HSPBAP1: variants seen among roughly 807,000 people sequenced by gnomAD.
The protein encoded by HSPBAP1 is HSPB1 associated protein 1.
In HSPBAP1, 27 loss-of-function variants were observed where a neutral mutation model predicts 45.2. That is an observed-to-expected ratio of 0.60 (90% CI 0.44 to 0.82). The LOEUF (loss-of-function observed/expected upper bound fraction) is 0.82, where lower values mean the gene tolerates loss of function less well. Among genes scored for constraint, HSPBAP1 ranks in the 40% least tolerant of loss-of-function variants. The pLI is 0.00. For synonymous variants in HSPBAP1, 204 were observed against 202.7 expected (o/e 1.01, Z -0.06); for missense variants, 510 against 590.9 (o/e 0.86, Z 1.42).
At chr3:122,780,653 C>A (rs1316758642) in intron 1 of HSPBAP1, among the ~76,000 whole-genome samples, 2 of 149,514 alleles carry the variant, frequency 1.3e-5, no homozygotes, top group African/African-American at 4.9e-5. Flanking sequence ...AGGCGGGGGG[C>A]TGACCCCCCC....
chr3:122,747,464 C>T (rs1469424888), intron 6 of HSPBAP1, among the ~76,000 whole-genome samples: 1 of 151,842 alleles, frequency 6.6e-6, no homozygotes, highest in Non-Finnish European at 1.5e-5. Context: ...GCCCGGCCAG[C>T]CGCCCTGTCT....
rs972184329 is a variant in HSPBAP1, at chr3:122,753,769, T to A, written c.742-1095A>T. On this transcript the variant is annotated intron_variant, in intron 5 of 7. Transcript: ENST00000306103. Reference sequence around the variant, plus strand: ...GGCCACTTGATAGTCATTAGTAGGTTATGCATGTCCTATCAGAGTAAAGTT... The same window carrying A: ...GGCCACTTGATAGTCATTAGTAGGTAATGCATGTCCTATCAGAGTAAAGTT... 14 of 985,166 alleles carry A rather than the reference T, an allele frequency of 1.4e-5. No homozygotes were observed. The African/African-American group carries it at 2.4e-4, about 17-fold the overall frequency. 61.0% of individuals were successfully genotyped at this position (985,166 alleles called of 1,614,324 possible).
intron 1 of HSPBAP1, among the ~76,000 whole-genome samples, chr3:122,783,082 A>C (rs1935544743): frequency 6.6e-6 from 1 of 152,146 alleles, no homozygotes; most frequent in Non-Finnish European, 1.5e-5. Context: ...AAGGCAGAAG[A>C]CTCAGGGAGT....
intron 6 of HSPBAP1, among the ~76,000 whole-genome samples, chr3:122,747,279 G>C (rs1407077461): frequency 2.0e-4 from 30 of 151,932 alleles, no homozygotes; most frequent in Non-Finnish European, 3.4e-4. Context: ...CATCGTCTGA[G>C]ATGTGGGGAG....
intron 5 of HSPBAP1, chr3:122,753,406 T>C (rs1934231106): frequency 1.0e-6 from 1 of 973,748 alleles, no homozygotes; most frequent in Non-Finnish European, 1.2e-6. Context: ...AGATTTTATC[T>C]GGTAGGCACT....
intron 1 of HSPBAP1, among the ~76,000 whole-genome samples, chr3:122,779,331 G>A (rs1331836068): frequency 6.6e-6 from 1 of 151,358 alleles, no homozygotes; most frequent in Non-Finnish European, 1.5e-5. Flanking sequence ...ATAAGCCACC[G>A]CACCCGGCCA....
chr3:122,755,747 C>T (rs781318375), intron 4 of HSPBAP1, among the ~76,000 whole-genome samples: 3 of 151,890 alleles, frequency 2.0e-5, no homozygotes, highest in Non-Finnish European at 2.9e-5. Context: ...CAAAGTCTGC[C>T]TTCTCATAAA....
rs369509855 is a variant in HSPBAP1 at position 122,784,743 on chromosome 3, G to T, written c.65-6837C>A. Reference sequence around the variant, plus strand: ...GGGTGGGAGTCAGATGTAGCCAAAAGACTGAGGTGTCTAGACTTGGTGACT... The same window carrying T: ...GGGTGGGAGTCAGATGTAGCCAAAATACTGAGGTGTCTAGACTTGGTGACT... On this transcript the variant is annotated intron_variant, in intron 1 of 7. Coordinates refer to ENST00000306103, the MANE Select transcript of HSPBAP1 (RefSeq NM_024610.6). 1.2e-3 allele frequency among the ~76,000 whole-genome samples: 185 copies of T among 152,362 alleles called. 5 individuals carry two copies. In the South Asian group the frequency reaches 0.018, roughly 15 times the overall value.
At chr3:122,782,007 A>AC (rs1935503431) in intron 1 of HSPBAP1, among the ~76,000 whole-genome samples, 1 of 152,232 alleles carries the variant, frequency 6.6e-6, no homozygotes, top group African/African-American at 2.4e-5. Context: ...ATTTTGGTAG[A>AC]TATTTACAAT....
intron 1 of HSPBAP1, among the ~76,000 whole-genome samples, chr3:122,788,355 C>A (rs71330911): frequency 6.6e-6 from 1 of 152,018 alleles, no homozygotes; most frequent in Admixed American, 6.5e-5. Flanking sequence ...GTTTTTGCAA[C>A]GTACCTCCAA....
chr3:122,759,185 C>CA (rs1934469819), intron 4 of HSPBAP1, 39 bp downstream of exon 4: 15 of 1,463,868 alleles, frequency 1.0e-5, no homozygotes, highest in South Asian at 1.3e-5. Context: ...CATGTGCGTT[C>CA]CACACACACA....
At chr3:122,759,414 G>C in intron 3 of HSPBAP1, 54 bp from the exon 4 acceptor site, 1 of 1,551,554 alleles carries the variant, frequency 6.4e-7, no homozygotes, top group Non-Finnish European at 8.8e-7. Context: ...TCTCTGTATG[G>C]TAATGCTGCC....
intron 3 of HSPBAP1, among the ~76,000 whole-genome samples, chr3:122,767,912 G>T (rs1164526179): frequency 2.6e-5 from 4 of 152,052 alleles, no homozygotes; most frequent in Admixed American, 2.6e-4. Flanking sequence ...CAAAGAAGGG[G>T]CAGGAAGAAG....
rs1485322437 is a variant in HSPBAP1 at position 122,740,286 on chromosome 3, A to AT, written c.*58dup. ...TTGCTGGTTCATCTTTATTTTAGTC[A>AT]TACTACTTAAAAATATATATTTAAA... On this transcript the variant is annotated 3_prime_UTR_variant, in exon 8 of 8. Transcript: ENST00000306103. 5.8e-5 allele frequency: 62 copies of AT among 1,062,898 alleles called. No individual in the cohort carries two copies. Among genetic ancestry groups the AT allele is most frequent in the Admixed American group, 3.2e-5 (1 of 31,286 alleles). 65.8% of individuals were successfully genotyped at this position (1,062,898 alleles called of 1,614,324 possible).
At chr3:122,761,186 G>C (rs993307881) in intron 3 of HSPBAP1, among the ~76,000 whole-genome samples, 2 of 152,182 alleles carry the variant, frequency 1.3e-5, no homozygotes, top group African/African-American at 4.8e-5. Context: ...GGAAAAAAGA[G>C]AGACTTGCCT....
In HSPBAP1 at chr3:122,759,366, T is replaced by G. The variant is rs1256711965; in HGVS notation, c.433-6A>C. On this transcript the variant is annotated splice_region_variant and splice_polypyrimidine_tract_variant and intron_variant, in intron 3 of 7. Coordinates refer to ENST00000306103, the MANE Select transcript of HSPBAP1 (RefSeq NM_024610.6). ...AAGTCAGACCATTTCACATCCTGTTTTGAAATAAAGTTGCAATCCATCAAG... is the reference window on the plus strand; with the variant it reads ...AAGTCAGACCATTTCACATCCTGTTGTGAAATAAAGTTGCAATCCATCAAG... 1 of 1,611,644 alleles carries G rather than the reference T, an allele frequency of 6.2e-7. No individual in the cohort carries two copies. The highest frequency in any genetic ancestry group is 1.1e-5 in the South Asian group (1 of 91,044).
intron 6 of HSPBAP1, among the ~76,000 whole-genome samples, chr3:122,750,613 C>T (rs1016597747): frequency 1.8e-4 from 28 of 152,030 alleles, no homozygotes; most frequent in Admixed American, 9.2e-4. Flanking sequence ...AACACTGACA[C>T]CCAGGAGCAA....
intron 6 of HSPBAP1, among the ~76,000 whole-genome samples, chr3:122,748,393 G>GA (rs991042936): frequency 2.2e-4 from 22 of 100,544 alleles, no homozygotes; most frequent in African/African-American, 7.6e-4. Flanking sequence ...AAAAAAAAAA[G>GA]AAAAAAAAAT....
chr3:122,766,441 T>A (rs909209376), intron 3 of HSPBAP1, among the ~76,000 whole-genome samples: 9 of 152,222 alleles, frequency 5.9e-5, no homozygotes, highest in African/African-American at 2.2e-4. Context: ...CATAGCAGAA[T>A]TAATTGCCAT....
Sources: allele counts gnomAD v4.1 joint callset (sites outside exome capture counted in the v4.1 genomes callset), GRCh38; gene constraint gnomAD v4.1.1; transcripts MANE v1.5; gene names NCBI Gene and HGNC (gene_info 2026-07-23, HGNC 2026-07-21).